The following SHTN1 variants were observed in gnomAD, a reference collection of about 807,000 sequenced individuals.
The protein encoded by SHTN1 is shootin 1, also known as shootin-1.
In SHTN1, 42 loss-of-function variants were observed where a neutral mutation model predicts 83.1. That is an observed-to-expected ratio of 0.51 (90% confidence interval 0.39 to 0.65). The LOEUF (loss-of-function observed/expected upper bound fraction) is 0.65. SHTN1 is among the 30% of genes least tolerant of loss of function. SHTN1 has a pLI of 0.00. For synonymous variants in SHTN1, 224 were observed against 247.7 expected (o/e 0.90, Z 0.90); for missense variants, 622 against 737.8 (o/e 0.84, Z 1.82).
chr10:116,901,771 G>A lies in SHTN1; in HGVS notation c.1667C>T (p.Thr556Met), dbSNP rs957321262. 9.4e-6 allele frequency: 15 copies of A among 1,593,536 alleles called. No homozygotes were observed. Among genetic ancestry groups the A allele is most frequent in the East Asian group, 2.3e-5 (1 of 43,808 alleles). Residue 556 changes from threonine to methionine, a missense_variant, in exon 16 of 17, where the codon ACG (threonine) becomes ATG (methionine). By Grantham distance (81) the Thr-to-Met change is moderately conservative (BLOSUM62 -1). Coordinates refer to ENST00000355371, the MANE Select transcript of SHTN1 (RefSeq NM_001127211.3). ...AAAGAGCATCGTTACTTACTGAAAC[G>A]TAACCTTGGAACTTGTGCATCCTTC... ...KLEGCTSSKV[T>M]FQPPSSIGCR...
At chr10:116,992,666 A>G (rs1303317390) in intron 1 of SHTN1, among the ~76,000 whole-genome samples, 2 of 152,084 alleles carry the variant, frequency 1.3e-5, no homozygotes, top group African/African-American at 4.8e-5. Flanking sequence ...CCCTTTTAAA[A>G]TGCAAACTTC....
At chr10:117,030,716 T>A (rs1189707067) in intron 2 of SHTN1, among the ~76,000 whole-genome samples, 1 of 151,970 alleles carries the variant, frequency 6.6e-6, no homozygotes, top group African/African-American at 2.4e-5. Flanking sequence ...ATTGGCATTC[T>A]GAAGAATGCA....
intron 11 of SHTN1, among the ~76,000 whole-genome samples, chr10:116,922,432 A>C (rs986361147): frequency 1.3e-5 from 2 of 151,958 alleles, no homozygotes; most frequent in African/African-American, 2.4e-5. Context: ...AAATATATGT[A>C]TCTTATGAGC....
At chr10:116,938,267 C>A (rs920685796) in intron 9 of SHTN1, among the ~76,000 whole-genome samples, 1 of 152,066 alleles carries the variant, frequency 6.6e-6, no homozygotes, top group Non-Finnish European at 1.5e-5. Context: ...GAATTTTCAG[C>A]CTTTTTGCAC....
intron 3 of SHTN1, among the ~76,000 whole-genome samples, chr10:116,966,260 G>A (rs1190262354): frequency 3.9e-5 from 6 of 152,018 alleles, no homozygotes; most frequent in South Asian, 2.1e-4. Context: ...CACCCGCCTC[G>A]GCCTCCCAAA....
At chr10:117,014,115 G>T (rs1852146058) in intron 2 of SHTN1, among the ~76,000 whole-genome samples, 1 of 151,774 alleles carries the variant, frequency 6.6e-6, no homozygotes, top group Non-Finnish European at 1.5e-5. Context: ...ATAAGAAACA[G>T]ATCATGGCTA....
intron 16 of SHTN1, among the ~76,000 whole-genome samples, chr10:116,891,446 C>G (rs1847339093): frequency 6.6e-6 from 1 of 152,160 alleles, no homozygotes; most frequent in Admixed American, 6.5e-5. Flanking sequence ...ACGGTCTGAA[C>G]TCTGTTTCAT....
In SHTN1 at chr10:116,886,069, T is replaced by C. The variant is rs1242656812; in HGVS notation, c.*275A>G. On this transcript the variant is annotated 3_prime_UTR_variant, in exon 17 of 17. Coordinates refer to ENST00000355371, the MANE Select transcript of SHTN1 (RefSeq NM_001127211.3). ...AGGTATCAACATCTGAATTTTTTTG[T>C]AACCTTCTAAAAGAAGTCATACTTA... 7.1e-6 allele frequency: 3 copies of C among 421,480 alleles called. No homozygotes were observed. The East Asian group carries it at 1.2e-4, about 17-fold the overall frequency. 26.1% of individuals were successfully genotyped at this position (421,480 alleles called of 1,614,324 possible). A position where few individuals can be genotyped will look rare whatever the true frequency, so the allele number is the denominator to read the frequency against.
At chr10:117,061,451 G>T (rs1217787725) in intron 1 of SHTN1, among the ~76,000 whole-genome samples, 1 of 151,842 alleles carries the variant, frequency 6.6e-6, no homozygotes, top group Non-Finnish European at 1.5e-5. Flanking sequence ...GCCCGCCTTG[G>T]CCTCCCATCA....
Position 117,067,330 on chromosome 10 carries a change from C to T in SHTN1, c.-188-18820G>A, listed in dbSNP as rs568310400. Among the ~76,000 whole-genome samples the T allele has an allele frequency of 9.9e-5, 15 of 152,266 alleles. No individual in the cohort carries two copies. The South Asian group carries it at 2.7e-3, about 27-fold the overall frequency. On this transcript the variant is annotated intron_variant, in intron 1 of 17. Transcript: ENST00000392901. ...TCCCAGCCAGGTACGGTGGCTCGTG[C>T]CTATAATCCCAGCACTTTGGGAGGC... is the stretch of plus-strand genomic sequence containing the variant.
At chr10:117,075,749 C>T (rs1816527153) in intron 1 of SHTN1, among the ~76,000 whole-genome samples, 1 of 152,118 alleles carries the variant, frequency 6.6e-6, no homozygotes, top group African/African-American at 2.4e-5. Flanking sequence ...GAATTGAGAA[C>T]ACCCATGGCA....
intron 2 of SHTN1, among the ~76,000 whole-genome samples, chr10:117,030,928 G>C (rs1264385555): frequency 1.3e-5 from 2 of 151,988 alleles, no homozygotes; most frequent in Non-Finnish European, 2.9e-5. Context: ...AAAAAATATG[G>C]GGTAGAAAGT....
At chr10:116,899,554 T>C (rs1388919705) in intron 16 of SHTN1, among the ~76,000 whole-genome samples, 2 of 137,964 alleles carry the variant, frequency 1.4e-5, no homozygotes, top group African/African-American at 5.7e-5. Flanking sequence ...TGTGAGAGAG[T>C]GCATGCATAC....
At chr10:117,041,836 G>T (rs573341071) in intron 2 of SHTN1, among the ~76,000 whole-genome samples, 15 of 152,238 alleles carry the variant, frequency 9.9e-5, no homozygotes, top group Non-Finnish European at 2.1e-4. Context: ...CACCAACACT[G>T]AGTTATTTGT....
At chr10:116,955,044 A>C (rs1849927414) in intron 4 of SHTN1, among the ~76,000 whole-genome samples, 1 of 151,598 alleles carries the variant, frequency 6.6e-6, no homozygotes, top group Non-Finnish European at 1.5e-5. Flanking sequence ...TTTCTTGTTT[A>C]AACTAGTTCA....
rs139935039 is a variant in SHTN1 at position 116,950,238 on chromosome 10, C to T, written c.535-1241G>A. 2.2e-3 allele frequency among the ~76,000 whole-genome samples: 339 copies of T among 152,274 alleles called. 2 individuals are homozygous for T. The highest frequency in any genetic ancestry group is 7.7e-3 in the African/African-American group (318 of 41,554). On this transcript the variant is annotated intron_variant, in intron 6 of 16. Transcript: ENST00000355371. Reference sequence around the variant, plus strand: ...GGAGGGTGGTAATACGATCATAGCTCATTGCAGCCTGGAACTCCTGGGTTC... The same window carrying T: ...GGAGGGTGGTAATACGATCATAGCTTATTGCAGCCTGGAACTCCTGGGTTC...
chr10:116,939,305 A>G (rs879740847), intron 9 of SHTN1, among the ~76,000 whole-genome samples: 2 of 152,156 alleles, frequency 1.3e-5, no homozygotes, highest in East Asian at 1.9e-4. Context: ...GTAGGCACCC[A>G]AGGCAATCTC....
intron 1 of SHTN1, among the ~76,000 whole-genome samples, chr10:117,109,769 T>C (rs1039751059): frequency 2.0e-5 from 3 of 151,928 alleles, no homozygotes; most frequent in Non-Finnish European, 4.4e-5. Flanking sequence ...TTTGCCACAT[T>C]GGCCAGGCTG....
At chr10:116,929,251 T>G (rs983127559) in intron 10 of SHTN1, among the ~76,000 whole-genome samples, 2 of 152,208 alleles carry the variant, frequency 1.3e-5, no homozygotes, top group African/African-American at 4.8e-5. Flanking sequence ...TATGCCCGTA[T>G]AGTAATCTAA....
Sources: allele counts gnomAD v4.1 joint callset (sites outside exome capture counted in the v4.1 genomes callset), GRCh38; gene constraint gnomAD v4.1.1; transcripts MANE v1.5; gene names NCBI Gene and HGNC (gene_info 2026-07-23, HGNC 2026-07-21).